OXNAD1: variants seen among roughly 807,000 people sequenced by gnomAD.
OXNAD1 encodes the protein oxidoreductase NAD binding domain containing 1.
Under a neutral mutation model 32.9 loss-of-function variants are expected in OXNAD1, and 34 were observed. The observed-to-expected ratio is 1.03, with a 90% CI of 0.79 to 1.38. The LOEUF (loss-of-function observed/expected upper bound fraction) is 1.38. Ranked by LOEUF, OXNAD1 falls within the 40% of genes most tolerant of loss-of-function variation. The pLI, the probability that OXNAD1 is intolerant of heterozygous loss-of-function variation, is 0.00. For synonymous variants in OXNAD1, 134 were observed against 135.2 expected (o/e 0.99, Z 0.06); for missense variants, 407 against 379.4 (o/e 1.07, Z -0.60).
rs1228734713 is a variant in OXNAD1 at position 16,280,959 on chromosome 3, G to A, written c.184-5383G>A. ...TTTAACTTAGGACATGGATAGTTGA[G>A]GTTTCAGTTGTGAATCTTTCGATCC... On this transcript the variant is annotated intron_variant, in intron 4 of 8. Coordinates refer to ENST00000285083, the MANE Select transcript of OXNAD1 (RefSeq NM_138381.5). This position sits in a 1 kb window ranked among gnomAD's most constrained non-coding sequence, Gnocchi z 4.5. Among the ~76,000 whole-genome samples, 1 of 152,134 alleles carries A rather than the reference G, an allele frequency of 6.6e-6. No individual in the cohort carries two copies. The highest frequency in any genetic ancestry group is 1.9e-4 in the East Asian group (1 of 5,200).
downstream of OXNAD1, among the ~76,000 whole-genome samples, chr3:16,339,140 TTC>T (rs1032920836): frequency 6.6e-6 from 1 of 152,186 alleles, no homozygotes; most frequent in African/African-American, 2.4e-5. Context: ...GACATGGGAT[TTC>T]TCTCTCCCTA....
rs186226216 is a variant in OXNAD1, at chr3:16,297,604, C to T, written c.432+2607C>T. 3.0e-4 allele frequency among the ~76,000 whole-genome samples: 46 copies of T among 152,190 alleles called. No homozygotes were observed. The highest frequency in any genetic ancestry group is 5.3e-4 in the Non-Finnish European group (36 of 68,014). On this transcript the variant is annotated intron_variant, in intron 6 of 8. Coordinates refer to ENST00000285083, the MANE Select transcript of OXNAD1 (RefSeq NM_138381.5). The surrounding 1 kb of genome is among the most constrained non-coding windows in gnomAD (Gnocchi z 4.3). ...AACTTCTAGAAACAACCCAAATGTCCCTCAGCAGGTGAATGGATAACTTGT... is the reference window on the plus strand; with the variant it reads ...AACTTCTAGAAACAACCCAAATGTCTCTCAGCAGGTGAATGGATAACTTGT...
chr3:16,335,749 A>G lies in OXNAD1; in HGVS notation c.*31-1363A>G, dbSNP rs2070780434. Among the ~76,000 whole-genome samples, 1 of 150,984 alleles carries G rather than the reference A, an allele frequency of 6.6e-6. No individual in the cohort carries two copies. Among genetic ancestry groups the G allele is most frequent in the African/African-American group, 2.4e-5 (1 of 40,818 alleles). ...ACGTTTACCTATGTAACAAGCCTGC[A>G]TATCCTGCACTTGCACCCTGGAACT... On this transcript the variant is annotated intron_variant, in intron 9 of 9. Coordinates refer to the OXNAD1 transcript ENST00000435829. The surrounding 1 kb of genome is among the most constrained non-coding windows in gnomAD (Gnocchi z 4.7).
At chr3:16,281,081 T>C (rs2125020949) in intron 4 of OXNAD1, among the ~76,000 whole-genome samples, 1 of 152,340 alleles carries the variant, frequency 6.6e-6, no homozygotes, top group African/African-American at 2.4e-5. Flanking sequence ...GGGGCCACAA[T>C]TACAGGTCCT....
At position 16,342,543 on chromosome 3, in the gene OXNAD1, T is replaced by C. The variant is rs1367524821; in HGVS notation, c.*31-6633T>C. Among the ~76,000 whole-genome samples the C allele has an allele frequency of 6.6e-6, 1 of 152,188 alleles. No individual in the cohort carries two copies. Among genetic ancestry groups the C allele is most frequent in the Non-Finnish European group, 1.5e-5 (1 of 68,030 alleles). The stretch of plus-strand genomic sequence containing the variant: ...CATATGTTTTCATTTCTCTTAAATA[T>C]AGGGGTGGAATTGCTGGGTCATATG... On this transcript the variant is annotated intron_variant, in intron 9 of 9. Transcript: ENST00000606098. This position sits in a 1 kb window ranked among gnomAD's most constrained non-coding sequence, Gnocchi z 4.0.
intron 6 of OXNAD1, among the ~76,000 whole-genome samples, chr3:16,295,211 G>A (rs2066699684): frequency 1.3e-5 from 2 of 151,986 alleles, no homozygotes; most frequent in African/African-American, 4.8e-5. Flanking sequence ...TCACCAAACG[G>A]TATTCAGTTG....
chr3:16,316,959 C>T lies in OXNAD1; in HGVS notation c.*30+13367C>T, dbSNP rs777894782. 6.2e-7 allele frequency: 1 copy of T among 1,614,030 alleles called. No individual in the cohort carries two copies. Among genetic ancestry groups the T allele is most frequent in the South Asian group, 1.1e-5 (1 of 91,070 alleles). On this transcript the variant is annotated intron_variant, in intron 9 of 9. Coordinates refer to the OXNAD1 transcript ENST00000435829. This position sits in a 1 kb window ranked among gnomAD's most constrained non-coding sequence, Gnocchi z 4.5. ...CTGTGGCTGGCAGGACCATTCTGCA[C>T]AGCCTCACCCTCCACACCCACCCCA...
chr3:16,307,869 CAGTACAGCTAAATT>C (rs2067677039), downstream of OXNAD1, among the ~76,000 whole-genome samples: 3 of 152,282 alleles, frequency 2.0e-5, no homozygotes, highest in South Asian at 6.2e-4. Context: ...AGGGAATGAA[CAGTACAGCTAAATT>C]GGTACAGTAC....
chr3:16,313,119 C>T (rs2068085370), intron 9 of OXNAD1, among the ~76,000 whole-genome samples: 1 of 150,818 alleles, frequency 6.6e-6, no homozygotes, highest in South Asian at 2.1e-4. Flanking sequence ...GCCCACAGCT[C>T]ACTGCACCCT....
downstream of OXNAD1, among the ~76,000 whole-genome samples, chr3:16,311,011 A>AAAAAAAG (rs1472119686): frequency 9.5e-5 from 13 of 136,190 alleles, no homozygotes; most frequent in African/African-American, 3.1e-4. Flanking sequence ...AAAAAAAAAA[A>AAAAAAAG]AAATCATCTG....
chr3:16,268,852 C>A (rs2064738129), intron 1 of OXNAD1, among the ~76,000 whole-genome samples: 1 of 152,048 alleles, frequency 6.6e-6, no homozygotes, highest in Non-Finnish European at 1.5e-5. Context: ...GTCATTCTAG[C>A]CTTTGGTCTG....
downstream of OXNAD1, among the ~76,000 whole-genome samples, chr3:16,306,649 C>T (rs138526684): frequency 3.9e-4 from 60 of 152,294 alleles, no homozygotes; most frequent in Non-Finnish European, 6.8e-4. Context: ...CTTATTTGTT[C>T]TGTAGGCTTT....
At chr3:16,339,126 G>C (rs1575049983), downstream of OXNAD1, among the ~76,000 whole-genome samples, 1 of 152,186 alleles carries the variant, frequency 6.6e-6, no homozygotes, top group African/African-American at 2.4e-5. Flanking sequence ...AAGGGATTGG[G>C]TAAGACATGG....
downstream of OXNAD1, among the ~76,000 whole-genome samples, chr3:16,337,802 T>C (rs1353092587): frequency 6.6e-6 from 1 of 151,768 alleles, no homozygotes; most frequent in East Asian, 1.9e-4. The surrounding 1 kb of genome is among the most constrained non-coding windows in gnomAD (Gnocchi z 5.0). Flanking sequence ...TACAATGATA[T>C]AGTTACTGCT....
rs1340609569 is a variant in OXNAD1, at chr3:16,317,277, C to G, written c.*30+13685C>G. ...GGGATAAATAACAAGCCTCCGGGAACCCAGAGCTTCACCCAAAGCCTTGTT... is the reference window on the plus strand; with the variant it reads ...GGGATAAATAACAAGCCTCCGGGAAGCCAGAGCTTCACCCAAAGCCTTGTT... On this transcript the variant is annotated intron_variant, in intron 9 of 9. Coordinates refer to the OXNAD1 transcript ENST00000435829. This position sits in a 1 kb window ranked among gnomAD's most constrained non-coding sequence, Gnocchi z 4.3. 2 of 1,592,644 alleles carry G rather than the reference C, an allele frequency of 1.3e-6. No homozygotes were observed. Among genetic ancestry groups the G allele is most frequent in the East Asian group, 2.2e-5 (1 of 44,750 alleles).
Position 16,271,846 on chromosome 3 carries a change from T to G in OXNAD1, c.183+124T>G, listed in dbSNP as rs893045075. The G allele has an allele frequency of 1.2e-6, 1 of 837,672 alleles. No individual in the cohort carries two copies. Among genetic ancestry groups the G allele is most frequent in the African/African-American group, 1.8e-5 (1 of 56,314 alleles). 51.9% of individuals were successfully genotyped at this position (837,672 alleles called of 1,614,324 possible). Reference sequence around the variant, plus strand: ...TGAAGGAGAGTTGGGAAGTTTGTTATTTTTCTATTTAGAAATTTTCTGAGC... The same window carrying G: ...TGAAGGAGAGTTGGGAAGTTTGTTAGTTTTCTATTTAGAAATTTTCTGAGC... On this transcript the variant is annotated intron_variant, in intron 4 of 8. Transcript: ENST00000285083. This position sits in a 1 kb window ranked among gnomAD's most constrained non-coding sequence, Gnocchi z 4.6.
Position 16,280,819 on chromosome 3 carries a change from C to G in OXNAD1, c.184-5523C>G, listed in dbSNP as rs75936448. ...TGGAATTTCCTTTTAGATGCTGACT[C>G]TGCCTCAGCATTAAACATGTGTACT... On this transcript the variant is annotated intron_variant, in intron 4 of 8. Coordinates refer to ENST00000285083, the MANE Select transcript of OXNAD1 (RefSeq NM_138381.5). The surrounding 1 kb of genome is among the most constrained non-coding windows in gnomAD (Gnocchi z 4.5). Among the ~76,000 whole-genome samples, 1,884 of 152,284 alleles carry G rather than the reference C, an allele frequency of 0.012. 47 individuals are homozygous for G. Among genetic ancestry groups the G allele is most frequent in the African/African-American group, 0.043 (1,781 of 41,540 alleles).
downstream of OXNAD1, among the ~76,000 whole-genome samples, chr3:16,337,927 TATG>T (rs2125276652): frequency 6.6e-6 from 1 of 152,226 alleles, no homozygotes; most frequent in South Asian, 2.1e-4. The surrounding 1 kb of genome is among the most constrained non-coding windows in gnomAD (Gnocchi z 5.0). Context: ...AAGTCTAATT[TATG>T]ATAACCTACT....
downstream of OXNAD1, among the ~76,000 whole-genome samples, chr3:16,310,990 C>T (rs2067934994): frequency 2.1e-5 from 1 of 48,466 alleles, no homozygotes; most frequent in Non-Finnish European, 4.2e-5. Flanking sequence ...AACTCAGTCT[C>T]CAAAAAAAAA....
Sources: gnomAD v4.1 joint callset for allele counts (sites outside exome capture counted in the v4.1 genomes callset) on GRCh38, gnomAD v4.1.1 for gene constraint, Gnocchi (gnomAD v3.1) non-coding constraint, MANE v1.5 for transcripts, NCBI Gene and HGNC (gene_info 2026-07-23, HGNC 2026-07-21) for gene names.